The following WEE1 variants were observed in gnomAD, a reference collection of about 807,000 sequenced individuals.
The protein encoded by WEE1 is WEE1 G2 checkpoint kinase, also known as wee1-like protein kinase.
A neutral mutation model predicts 68.8 loss-of-function variants in WEE1; 16 were observed. The observed-to-expected ratio is 0.23, with a 90% CI of 0.16 to 0.35. The LOEUF (loss-of-function observed/expected upper bound fraction) is 0.35, where lower values mean the gene tolerates loss of function less well. Among genes scored for constraint, WEE1 ranks in the 10% least tolerant of loss-of-function variants. The pLI, the probability that WEE1 is intolerant of heterozygous loss-of-function variation, is 1.00. For synonymous variants in WEE1, 349 were observed against 318.7 expected, an observed-to-expected ratio of 1.09 and a Z score of -1.01; for missense variants, 651 against 824.1, an observed-to-expected ratio of 0.79 and a Z score of 2.57.
At chr11:9,584,122 A>G (rs1849674606) in intron 6 of WEE1, among the ~76,000 whole-genome samples, 2 of 151,596 alleles carry the variant, frequency 1.3e-5, no homozygotes, top group Admixed American at 1.3e-4. Flanking sequence ...CTGGGATTAC[A>G]GGTGTGAGCC....
chr11:9,587,788 G>A (rs1430096494), intron 10 of WEE1, among the ~76,000 whole-genome samples: 1 of 151,994 alleles, frequency 6.6e-6, no homozygotes, highest in African/African-American at 2.4e-5. Context: ...AAAAGGTTAT[G>A]TTAACAATTA....
At chr11:9,587,283 T>C (rs1849711716) in intron 10 of WEE1, among the ~76,000 whole-genome samples, 1 of 152,214 alleles carries the variant, frequency 6.6e-6, no homozygotes, top group African/African-American at 2.4e-5. Context: ...TATGTTGTTA[T>C]ACGGTGAAAG....
In WEE1 at chr11:9,574,571, G is replaced by A. The variant is rs1849542667; in HGVS notation, c.576+62G>A. On this transcript the variant is annotated intron_variant, in intron 1 of 10. Coordinates refer to ENST00000450114, the MANE Select transcript of WEE1 (RefSeq NM_003390.4). The surrounding 1 kb of genome is among the most constrained non-coding windows in gnomAD (Gnocchi z 4.9). Reference sequence around the variant, plus strand: ...CCGCGGCGCCGGAGGGGCCAGCGCCGCTGCCTGGGTTCGGTTACAGAAGCG... The same window carrying A: ...CCGCGGCGCCGGAGGGGCCAGCGCCACTGCCTGGGTTCGGTTACAGAAGCG... 6 of 1,154,128 alleles carry A rather than the reference G, an allele frequency of 5.2e-6. No individual in the cohort carries two copies. The highest frequency in any genetic ancestry group is 4.1e-5 in the South Asian group (1 of 24,352). 71.5% of individuals were successfully genotyped at this position (1,154,128 alleles called of 1,614,324 possible). A position where few individuals can be genotyped will look rare whatever the true frequency, so the allele number is the denominator to read the frequency against.
chr11:9,578,167 A>G (rs1004214726), intron 5 of WEE1: 10 of 275,216 alleles, frequency 3.6e-5, no homozygotes, highest in African/African-American at 2.3e-4. Context: ...ATTTCTGTAT[A>G]TCTTCTGTGA....
In WEE1 at chr11:9,573,783, C is replaced by A. The variant is rs1205393666; in HGVS notation, c.-151C>A. On this transcript the variant is annotated 5_prime_UTR_variant, in exon 1 of 11. Coordinates refer to ENST00000450114, the MANE Select transcript of WEE1 (RefSeq NM_003390.4). ...GCCGCCACCGTCCGCAGCCCGAGCG[C>A]CCCGGAGCCGCAGGCCGCCGCCGCG... 5.5e-6 allele frequency: 3 copies of A among 546,676 alleles called. No individual in the cohort carries two copies. In the African/African-American group the frequency reaches 6.1e-5, roughly 11 times the overall value. The allele number at this position is 546,676 out of a possible 1,614,324, so 33.9% of individuals were successfully genotyped here.
chr11:9,581,353 A>G (rs1349977641), intron 5 of WEE1, 179 bp from the exon 6 acceptor site: 1 of 559,720 alleles, frequency 1.8e-6, no homozygotes, highest in Non-Finnish European at 3.1e-6. Flanking sequence ...ACCCATGCAA[A>G]TGTATTACCT....
At chr11:9,583,603 A>G (rs1284064713) in intron 6 of WEE1, among the ~76,000 whole-genome samples, 4 of 93,710 alleles carry the variant, frequency 4.3e-5, no homozygotes, top group Non-Finnish European at 6.5e-5. Context: ...CGACAGAGCG[A>G]GACTGTCTCA....
chr11:9,585,322 T>A lies in WEE1; in HGVS notation c.1353T>A (p.Asp451Glu). 1 of 1,614,094 alleles carries A rather than the reference T, an allele frequency of 6.2e-7. No homozygotes were observed. The highest frequency in any genetic ancestry group is 1.1e-5 in the South Asian group (1 of 91,076). The change falls in exon 7 of 11, where the codon GAT (aspartate) becomes GAA (glutamate). Residue 451 changes from aspartate (D) to glutamate (E), a missense_variant. By Grantham distance (45) the Asp-to-Glu change is conservative (BLOSUM62 2). Around this residue, in one of 5 missense-constraint regions of WEE1, gnomAD observed 82 missense variants for 123.2 expected, o/e 0.67. Coordinates refer to ENST00000450114, the MANE Select transcript of WEE1 (RefSeq NM_003390.4). ...NAASEEGDED[D>E]WASNKVMFKI... The stretch of plus-strand genomic sequence containing the variant: ...CCTCTGAAGAAGGAGACGAAGATGA[T>A]TGGGCATCCAACAAAGTTATGTTTA...
chr11:9,574,635 A>G lies in WEE1; in HGVS notation c.576+126A>G, dbSNP rs1306795823. Reference sequence around the variant, plus strand: ...CCCTCGCTTTCCTGCGCCGCCCCCCAAAGTTGGCAGCCCTTGTGTTTGGCC... The same window carrying G: ...CCCTCGCTTTCCTGCGCCGCCCCCCGAAGTTGGCAGCCCTTGTGTTTGGCC... On this transcript the variant is annotated intron_variant, in intron 1 of 10. Transcript: ENST00000450114. This position sits in a 1 kb window ranked among gnomAD's most constrained non-coding sequence, Gnocchi z 4.9. 1 of 1,113,204 alleles carries G rather than the reference A, an allele frequency of 9.0e-7. No homozygotes were observed. Among genetic ancestry groups the G allele is most frequent in the East Asian group, 5.2e-5 (1 of 19,340 alleles). The allele number at this position is 1,113,204 out of a possible 1,614,324, so 69.0% of individuals were successfully genotyped here. A position where few individuals can be genotyped will look rare whatever the true frequency, so the allele number is the denominator to read the frequency against.
intron 5 of WEE1, 39 bp downstream of exon 5, chr11:9,577,302 T>C: frequency 6.3e-7 from 1 of 1,596,154 alleles, no homozygotes; most frequent in Non-Finnish European, 8.5e-7. Flanking sequence ...CTTGAGAAAA[T>C]GAACATCGAG....
rs1368490434 is a variant in WEE1, at chr11:9,574,182, C to A, written c.249C>A (p.Pro83=). The A allele has an allele frequency of 8.5e-7, 1 of 1,178,214 alleles. No homozygotes were observed. The highest frequency in any genetic ancestry group is 4.6e-5 in the Admixed American group (1 of 21,714). 73.0% of individuals were successfully genotyped at this position (1,178,214 alleles called of 1,614,324 possible). A position where few individuals can be genotyped will look rare whatever the true frequency, so the allele number is the denominator to read the frequency against. The change falls in exon 1 of 11, where the codon CCC becomes CCA. Residue 83 remains proline, a synonymous_variant. Coordinates refer to ENST00000450114, the MANE Select transcript of WEE1 (RefSeq NM_003390.4). This position sits in a 1 kb window ranked among gnomAD's most constrained non-coding sequence, Gnocchi z 4.9. The part of the protein sequence containing the change: ...PERRRSPGPA[P]GSPGELEEDL... ...GCCGCCGCTCGCCCGGGCCGGCCCC[C>A]GGCAGCCCCGGCGAGCTGGAGGAGG...
intron 5 of WEE1, chr11:9,577,528 C>T: frequency 5.0e-6 from 2 of 404,028 alleles, no homozygotes; most frequent in South Asian, 5.0e-5. Context: ...GGCCTCGACA[C>T]ATATATTTTG....
intron 8 of WEE1, among the ~76,000 whole-genome samples, chr11:9,585,892 T>C (rs1042401444): frequency 1.3e-5 from 2 of 152,206 alleles, no homozygotes; most frequent in African/African-American, 4.8e-5. Flanking sequence ...GAGAACAGTG[T>C]AAATAAGTGT....
In WEE1 at chr11:9,576,793, A is replaced by G; in HGVS notation, c.1019+134A>G. 1 of 904,090 alleles carries G rather than the reference A, an allele frequency of 1.1e-6. No homozygotes were observed. Among genetic ancestry groups the G allele is most frequent in the Non-Finnish European group, 1.6e-6 (1 of 610,016 alleles). The allele number at this position is 904,090 out of a possible 1,614,324, so 56.0% of individuals were successfully genotyped here. On this transcript the variant is annotated intron_variant, in intron 4 of 10. Transcript: ENST00000450114. This position sits in a 1 kb window ranked among gnomAD's most constrained non-coding sequence, Gnocchi z 4.3. Reference sequence around the variant, plus strand: ...GTAATGATTTAATCAGGTCCTTTTCACTTAATACCATCAGTTCTTATTGGA... The same window carrying G: ...GTAATGATTTAATCAGGTCCTTTTCGCTTAATACCATCAGTTCTTATTGGA...
At position 9,589,691 on chromosome 11, in the gene WEE1, ACTTGT is replaced by A. The variant is rs1485631781; in HGVS notation, c.*1093_*1097del. 1.0e-6 allele frequency: 1 copy of A among 985,648 alleles called. No individual in the cohort carries two copies. The highest frequency in any genetic ancestry group is 1.2e-6 in the Non-Finnish European group (1 of 829,870). The allele number at this position is 985,648 out of a possible 1,614,324, so 61.1% of individuals were successfully genotyped here. A position where few individuals can be genotyped will look rare whatever the true frequency, so the allele number is the denominator to read the frequency against. ...TAATTTTGGTCTAAAACATGTTTGC[ACTTGT>A]CTTTGACTTGTGTTTTATTAACATT... On this transcript the variant is annotated 3_prime_UTR_variant, in exon 11 of 11. Transcript: ENST00000450114.
At position 9,576,383 on chromosome 11, in the gene WEE1, AG is replaced by A. The variant is rs1849565620; in HGVS notation, c.846+92del. ...ATATGTTAATAAGCATTAACACATA[AG>A]GTAGAATGGTTTTTAAATTTCACAC... On this transcript the variant is annotated intron_variant, in intron 3 of 10. Transcript: ENST00000450114. This position sits in a 1 kb window ranked among gnomAD's most constrained non-coding sequence, Gnocchi z 4.3. The A allele has an allele frequency of 3.2e-6, 5 of 1,548,226 alleles. No homozygotes were observed. The highest frequency in any genetic ancestry group is 4.4e-6 in the Non-Finnish European group (5 of 1,144,878).
rs756597519 is a variant in WEE1 at position 9,585,432 on chromosome 11, A to T, written c.1385-10A>T. 4 of 1,609,228 alleles carry T rather than the reference A, an allele frequency of 2.5e-6. No individual in the cohort carries two copies. Among genetic ancestry groups the T allele is most frequent in the Admixed American group, 1.7e-5 (1 of 58,884 alleles). On this transcript the variant is annotated splice_polypyrimidine_tract_variant and intron_variant, in intron 7 of 10. Transcript: ENST00000450114. The stretch of plus-strand genomic sequence containing the variant: ...TTTGCTCTTCACTGTAAGTTTTTCA[A>T]TACTTCTAGGTGATCTTGGGCATGT...
rs1023266012 is a variant in WEE1, at chr11:9,574,141, G to C, written c.208G>C (p.Glu70Gln). ...SPLPPARSPT[E>Q]PGPERRRSPG... ...GCTGCCGCCCGCGCGGAGCCCCACG[G>C]AGCCCGGGCCCGAGCGCCGCCGCTC... The change falls in exon 1 of 11, where the codon GAG (glutamate) becomes CAG (glutamine). Residue 70 changes from glutamate (E) to glutamine (Q), a missense_variant. Around this residue, in one of 5 missense-constraint regions of WEE1, gnomAD observed 395 missense variants for 378.4 expected, o/e 1.04. Coordinates refer to ENST00000450114, the MANE Select transcript of WEE1 (RefSeq NM_003390.4). This position sits in a 1 kb window ranked among gnomAD's most constrained non-coding sequence, Gnocchi z 4.9. The C allele has an allele frequency of 2.5e-6, 3 of 1,203,640 alleles. No individual in the cohort carries two copies. The highest frequency in any genetic ancestry group is 3.2e-5 in the African/African-American group (2 of 62,440). 74.6% of individuals were successfully genotyped at this position (1,203,640 alleles called of 1,614,324 possible).
intron 1 of WEE1, chr11:9,575,363 T>C (rs2134339263): frequency 1.0e-6 from 1 of 991,422 alleles, no homozygotes; most frequent in Non-Finnish European, 1.2e-6. Flanking sequence ...ACAGGGAAGA[T>C]GCACCTTTTA....
Sources: allele counts gnomAD v4.1 joint callset (sites outside exome capture counted in the v4.1 genomes callset), GRCh38; gene constraint gnomAD v4.1.1; regional missense constraint gnomAD v4.1.1; non-coding constraint Gnocchi (gnomAD v3.1); transcripts MANE v1.5; gene names NCBI Gene and HGNC (gene_info 2026-07-23, HGNC 2026-07-21).